ZNF148: variants seen among roughly 807,000 people sequenced by gnomAD.
The protein encoded by ZNF148 is Beta-Enolase Repressor Factor-1.
A neutral mutation model predicts 67.7 loss-of-function variants in ZNF148; 7 were observed. The observed-to-expected ratio is 0.10, with a 90% CI of 0.06 to 0.19. The LOEUF (loss-of-function observed/expected upper bound fraction) is 0.19. ZNF148 is among the 10% of genes least tolerant of loss of function. ZNF148 has a pLI of 1.00. For missense variants in ZNF148, 583 were observed against 947.1 expected, an observed-to-expected ratio of 0.62 and a Z score of 5.05; for synonymous variants, 333 against 330.7, an observed-to-expected ratio of 1.01 and a Z score of -0.08.
At chr3:125,257,478 C>T (rs1309287995) in intron 7 of ZNF148, among the ~76,000 whole-genome samples, 7 of 147,228 alleles carry the variant, frequency 4.8e-5, no homozygotes, top group Non-Finnish European at 7.4e-5. Context: ...CGCTTGAACT[C>T]GGGCTGCGGA....
intron 1 of ZNF148, among the ~76,000 whole-genome samples, chr3:125,350,563 TG>T (rs138213669): frequency 0.015 from 2,271 of 152,318 alleles, 52 homozygotes; most frequent in African/African-American, 0.051. Context: ...AATTTTTCAA[TG>T]GGTCAAGGAT....
rs374170241 is a variant in ZNF148, at chr3:125,254,077, AGT to A, written c.668-19750_668-19749del. ...ATTTAAATTTAGATTCAATGCATTT[AGT>A]ATATACAGAATTAGTCACAGAATTA... is the stretch of plus-strand genomic sequence containing the variant. On this transcript the variant is annotated intron_variant, in intron 7 of 8. Transcript: ENST00000360647. Among the ~76,000 whole-genome samples the A allele has an allele frequency of 1.2e-4, 18 of 152,336 alleles. No homozygotes were observed. The South Asian group carries it at 3.7e-3, about 32-fold the overall frequency.
intron 1 of ZNF148, among the ~76,000 whole-genome samples, chr3:125,373,057 A>G (rs1436523757): frequency 6.6e-6 from 1 of 152,052 alleles, no homozygotes; most frequent in East Asian, 1.9e-4. Context: ...AATTAAAAGA[A>G]CAGATAATAT....
chr3:125,329,805 G>A (rs1410745797), intron 2 of ZNF148, among the ~76,000 whole-genome samples: 1 of 151,798 alleles, frequency 6.6e-6, no homozygotes, highest in Non-Finnish European at 1.5e-5. Flanking sequence ...ATACTATGCA[G>A]CATAAAGTGA....
At chr3:125,287,552 T>C (rs1256009705) in intron 5 of ZNF148, among the ~76,000 whole-genome samples, 3 of 152,132 alleles carry the variant, frequency 2.0e-5, no homozygotes, top group African/African-American at 7.2e-5. Flanking sequence ...GGGAGGAGGA[T>C]CCCTTGAGAC....
intron 5 of ZNF148, among the ~76,000 whole-genome samples, chr3:125,281,406 TTAAA>T (rs1478695183): frequency 6.6e-6 from 1 of 152,202 alleles, no homozygotes; most frequent in African/African-American, 2.4e-5. Flanking sequence ...CAAAAAGATG[TTAAA>T]TACTTATATA....
At chr3:125,350,615 T>A (rs1420572340) in intron 1 of ZNF148, among the ~76,000 whole-genome samples, 1 of 152,212 alleles carries the variant, frequency 6.6e-6, no homozygotes, top group Non-Finnish European at 1.5e-5. Context: ...TCATCAGGCA[T>A]TAGATTCTCA....
intron 7 of ZNF148, among the ~76,000 whole-genome samples, chr3:125,238,181 T>C (rs1936180575): frequency 6.6e-6 from 1 of 151,984 alleles, no homozygotes; most frequent in Non-Finnish European, 1.5e-5. Context: ...ACTATAAAAA[T>C]GGTAGAATAT....
intron 7 of ZNF148, among the ~76,000 whole-genome samples, chr3:125,258,549 G>C (rs967848767): frequency 1.3e-5 from 2 of 151,918 alleles, no homozygotes; most frequent in Non-Finnish European, 2.9e-5. Flanking sequence ...CTACAGGTGT[G>C]CACCACTGCA....
chr3:125,310,459 T>A (rs761855462), intron 4 of ZNF148, among the ~76,000 whole-genome samples: 1 of 152,256 alleles, frequency 6.6e-6, no homozygotes, highest in African/African-American at 2.4e-5. Context: ...ATCTATGCAA[T>A]GTAGCTAATG....
At chr3:125,242,267 C>T (rs943652940) in intron 7 of ZNF148, among the ~76,000 whole-genome samples, 5 of 152,168 alleles carry the variant, frequency 3.3e-5, no homozygotes, top group African/African-American at 9.7e-5. Context: ...TTCTCCACTC[C>T]GATCTGCTCA....
chr3:125,256,224 C>T (rs888009942), intron 7 of ZNF148, among the ~76,000 whole-genome samples: 10 of 151,770 alleles, frequency 6.6e-5, no homozygotes, highest in Admixed American at 3.3e-4. Flanking sequence ...AAAAATTAGC[C>T]GGGCACGGTG....
At position 125,328,791 on chromosome 3, in the gene ZNF148, TAAGAA is replaced by T. The variant is rs540854041; in HGVS notation, c.-153+2362_-153+2366del. Among the ~76,000 whole-genome samples the T allele has an allele frequency of 4.5e-4, 68 of 152,034 alleles. 1 individual carries two copies. In the Middle Eastern group the frequency reaches 0.014, roughly 30 times the overall value. ...TGGAGAAAATCCTCAAACTCACTCATAAGAAAAGAAAAGCTAATCAACAAAAAACT... is the reference window on the plus strand; with the variant it reads ...TGGAGAAAATCCTCAAACTCACTCATAAGAAAAGCTAATCAACAAAAAACT... On this transcript the variant is annotated intron_variant, in intron 2 of 8. Transcript: ENST00000360647.
In ZNF148 at chr3:125,250,322, T is replaced by C. The variant is rs190012761; in HGVS notation, c.668-15993A>G. On this transcript the variant is annotated intron_variant, in intron 7 of 8. Transcript: ENST00000360647. ...GATGAGGCTAGGGAGAGGAATAAAT[T>C]ATCCTCACCAGGTGATGAAAGTTTT... Among the ~76,000 whole-genome samples, 10 of 152,258 alleles carry C rather than the reference T, an allele frequency of 6.6e-5. No individual in the cohort carries two copies. In the East Asian group the frequency reaches 1.9e-3, roughly 29 times the overall value.
intron 1 of ZNF148, among the ~76,000 whole-genome samples, chr3:125,363,325 T>G (rs1247377810): frequency 1.3e-5 from 2 of 152,222 alleles, no homozygotes; most frequent in Non-Finnish European, 2.9e-5. Context: ...GCTATATAAT[T>G]ATCAACTCTA....
At chr3:125,288,338 A>T (rs140240228) in intron 4 of ZNF148, 110 bp from the exon 5 acceptor site, 6 of 1,111,498 alleles carry the variant, frequency 5.4e-6, no homozygotes, top group Non-Finnish European at 7.5e-6. Context: ...TGCTTCCAGA[A>T]TGATGATCTA....
rs192637556 is a variant in ZNF148 at position 125,235,918 on chromosome 3, G to A, written c.668-1589C>T. Among the ~76,000 whole-genome samples the A allele has an allele frequency of 3.6e-3, 495 of 138,526 alleles. 5 individuals carry two copies. Among genetic ancestry groups the A allele is most frequent in the African/African-American group, 0.013 (466 of 36,928 alleles). 90.9% of individuals were successfully genotyped at this position (138,526 alleles called of 152,430 possible). On this transcript the variant is annotated intron_variant, in intron 7 of 8. Coordinates refer to ENST00000360647, the MANE Select transcript of ZNF148 (RefSeq NM_021964.3). The stretch of plus-strand genomic sequence containing the variant: ...TGAACAATGAGAACACCTGGACAGA[G>A]GAAGGGGAACATCATAAACCGGGGA...
rs1219577163 is a variant in ZNF148 at position 125,227,938 on chromosome 3, A to C, written c.*4403T>G. 6.6e-6 allele frequency: 1 copy of C among 152,590 alleles called. No homozygotes were observed. The highest frequency in any genetic ancestry group is 1.5e-5 in the Non-Finnish European group (1 of 68,012). 9.5% of individuals were successfully genotyped at this position (152,590 alleles called of 1,614,324 possible). ...TCAAATAGCTGTCCTGTACAGTATA[A>C]TATCTACTCACTTGAAACTATAATA... On this transcript the variant is annotated 3_prime_UTR_variant, in exon 9 of 9. Coordinates refer to ENST00000360647, the MANE Select transcript of ZNF148 (RefSeq NM_021964.3).
At chr3:125,262,314 G>C (rs917068261) in intron 7 of ZNF148, among the ~76,000 whole-genome samples, 1 of 152,192 alleles carries the variant, frequency 6.6e-6, no homozygotes, top group Non-Finnish European at 1.5e-5. Flanking sequence ...AGGCAGAGTT[G>C]CACAATTAAG....
Sources: allele counts gnomAD v4.1 joint callset (sites outside exome capture counted in the v4.1 genomes callset), GRCh38; gene constraint gnomAD v4.1.1; transcripts MANE v1.5; gene names NCBI Gene and HGNC (gene_info 2026-07-23, HGNC 2026-07-21).